Variants in KCTD16 observed in about 807,000 individuals in gnomAD.
The protein encoded by KCTD16 is BTB/POZ domain-containing protein KCTD16.
In KCTD16, 13 loss-of-function variants were observed where a neutral mutation model predicts 33.2. The ratio of observed to expected loss-of-function variants is 0.39; its 90% CI spans 0.25 to 0.62. The LOEUF is 0.62. Among genes scored for constraint, KCTD16 ranks in the 20% least tolerant of loss-of-function variants. The probability of loss-of-function intolerance (pLI) is 0.50; values close to 1 mark genes in which losing one functional copy is unlikely to be tolerated. For synonymous variants in KCTD16, 197 were observed against 195.3 expected, an observed-to-expected ratio of 1.01 and a Z score of -0.07; for missense variants, 441 against 525.1, an observed-to-expected ratio of 0.84 and a Z score of 1.57.
rs1261591035 is a variant in KCTD16 at position 144,265,586 on chromosome 5, C to G, written c.832+58040C>G. Among the ~76,000 whole-genome samples, 7 of 152,288 alleles carry G rather than the reference C, an allele frequency of 4.6e-5. No individual in the cohort carries two copies. The East Asian group carries it at 1.4e-3, about 29-fold the overall frequency. On this transcript the variant is annotated intron_variant, in intron 3 of 3. Transcript: ENST00000512467. ...TTAAAGACTGTAATCTCCAAGAAGA[C>G]TAGGAATTCACGAAGTTGGCTGTAT...
chr5:144,389,363 T>C (rs77437369), intron 3 of KCTD16, among the ~76,000 whole-genome samples: 3,864 of 152,186 alleles, frequency 0.025, 73 homozygotes, highest in African/African-American at 0.041. Context: ...CCCCACCTCC[T>C]GTCAGATCAG....
At chr5:144,315,662 A>G (rs1275776897) in intron 3 of KCTD16, among the ~76,000 whole-genome samples, 2 of 152,172 alleles carry the variant, frequency 1.3e-5, no homozygotes, top group African/African-American at 4.8e-5. Context: ...CCAGTTTAGT[A>G]CATGAGAGAA....
chr5:144,445,320 G>A (rs986979148), intron 3 of KCTD16, among the ~76,000 whole-genome samples: 1 of 151,876 alleles, frequency 6.6e-6, no homozygotes, highest in African/African-American at 2.4e-5. Context: ...TCCAATTTGT[G>A]TTGCTCTTCC....
At chr5:144,287,080 G>C (rs951267881) in intron 3 of KCTD16, among the ~76,000 whole-genome samples, 4 of 152,194 alleles carry the variant, frequency 2.6e-5, no homozygotes, top group Non-Finnish European at 5.9e-5. Flanking sequence ...GAGGAGCTGG[G>C]AGTGGCTGGA....
intron 3 of KCTD16, among the ~76,000 whole-genome samples, chr5:144,244,597 T>C (rs1009364978): frequency 6.6e-6 from 1 of 152,230 alleles, no homozygotes; most frequent in Non-Finnish European, 1.5e-5. Flanking sequence ...TGTGATCCAT[T>C]ATATCTCCAT....
At chr5:144,419,825 G>A (rs746441668) in intron 3 of KCTD16, among the ~76,000 whole-genome samples, 3 of 151,930 alleles carry the variant, frequency 2.0e-5, no homozygotes, top group Non-Finnish European at 2.9e-5. Flanking sequence ...AGCCACCTGT[G>A]GCTAATGACT....
rs529490021 is a variant in KCTD16 at position 144,352,240 on chromosome 5, A to G, written c.833-121420A>G. Among the ~76,000 whole-genome samples the G allele has an allele frequency of 4.7e-4, 71 of 152,308 alleles. 1 individual carries two copies. The highest frequency in any genetic ancestry group is 1.7e-3 in the African/African-American group (70 of 41,578). ...GATTGCAATAATATCAATGGCAAACAAACTAGGACTGTTGATTCTCTAGGC... is the reference window on the plus strand; with the variant it reads ...GATTGCAATAATATCAATGGCAAACGAACTAGGACTGTTGATTCTCTAGGC... On this transcript the variant is annotated intron_variant, in intron 3 of 3. Coordinates refer to ENST00000512467, the MANE Select transcript of KCTD16 (RefSeq NM_020768.4).
intron 3 of KCTD16, among the ~76,000 whole-genome samples, chr5:144,278,552 C>A (rs529949111): frequency 2.2e-5 from 3 of 137,046 alleles, no homozygotes; most frequent in Admixed American, 1.6e-4. Context: ...CTGCGGACTG[C>A]AGTGGCGCAA....
intron 2 of KCTD16, among the ~76,000 whole-genome samples, chr5:144,190,706 A>G (rs1430693987): frequency 6.6e-6 from 1 of 152,078 alleles, no homozygotes; most frequent in Non-Finnish European, 1.5e-5. Flanking sequence ...CCCCAGTAAC[A>G]TAGTAATTAA....
chr5:144,361,028 A>G (rs1030413506), intron 3 of KCTD16, among the ~76,000 whole-genome samples: 4 of 149,596 alleles, frequency 2.7e-5, no homozygotes, highest in East Asian at 2.0e-4. Flanking sequence ...AGCATTAGGT[A>G]TATCTCCCAA....
intron 3 of KCTD16, among the ~76,000 whole-genome samples, chr5:144,422,781 AAT>A (rs1753239213): frequency 6.6e-6 from 1 of 152,172 alleles, no homozygotes; most frequent in Non-Finnish European, 1.5e-5. Flanking sequence ...AAGCATATCT[AAT>A]GATATGTCAA....
intron 3 of KCTD16, among the ~76,000 whole-genome samples, chr5:144,454,845 A>T (rs1754025347): frequency 6.6e-6 from 1 of 152,182 alleles, no homozygotes; most frequent in Admixed American, 6.5e-5. Flanking sequence ...CTGAAACGGA[A>T]TAGGGTGATA....
intron 3 of KCTD16, among the ~76,000 whole-genome samples, chr5:144,256,608 GT>G (rs200822321): frequency 2.2e-4 from 30 of 139,390 alleles, no homozygotes; most frequent in African/African-American, 5.2e-4. Context: ...TCCCCAAGGA[GT>G]TTTTTTTGTT....
At chr5:144,183,890 C>G (rs1049951320) in intron 2 of KCTD16, among the ~76,000 whole-genome samples, 12 of 152,118 alleles carry the variant, frequency 7.9e-5, no homozygotes, top group Non-Finnish European at 1.5e-4. Context: ...TACCATAAAT[C>G]TTGTACATAG....
intron 3 of KCTD16, among the ~76,000 whole-genome samples, chr5:144,419,093 T>A (rs1217303224): frequency 1.3e-5 from 2 of 152,184 alleles, no homozygotes; most frequent in Non-Finnish European, 2.9e-5. Context: ...CAAAACACTT[T>A]GCTGCTCAAA....
intron 3 of KCTD16, among the ~76,000 whole-genome samples, chr5:144,401,843 G>A (rs1205793000): frequency 6.6e-6 from 1 of 152,200 alleles, no homozygotes; most frequent in Non-Finnish European, 1.5e-5. Flanking sequence ...AAGAAGCTCA[G>A]TGAGATGAAG....
chr5:144,231,005 A>G (rs1037060506), intron 3 of KCTD16, among the ~76,000 whole-genome samples: 1 of 152,216 alleles, frequency 6.6e-6, no homozygotes, highest in Non-Finnish European at 1.5e-5. Context: ...ATGGAGAGCT[A>G]AGCAGAGAGC....
At chr5:144,408,732 C>T (rs570237265) in intron 3 of KCTD16, among the ~76,000 whole-genome samples, 35 of 152,278 alleles carry the variant, frequency 2.3e-4, no homozygotes, top group African/African-American at 7.9e-4. Context: ...AGATATCGCT[C>T]CTGCCTGTGA....
At chr5:144,212,448 G>A (rs940891750) in intron 3 of KCTD16, among the ~76,000 whole-genome samples, 3 of 152,136 alleles carry the variant, frequency 2.0e-5, no homozygotes, top group African/African-American at 7.2e-5. Flanking sequence ...GGTCTCTGAA[G>A]TTGCCCCCAA....
Sources: gnomAD v4.1 joint callset for allele counts (sites outside exome capture counted in the v4.1 genomes callset) on GRCh38, gnomAD v4.1.1 for gene constraint, MANE v1.5 for transcripts, NCBI Gene and HGNC (gene_info 2026-07-23, HGNC 2026-07-21) for gene names.